Variants in FYN observed in about 807,000 individuals in gnomAD.
FYN encodes tyrosine-protein kinase Fyn.
A neutral mutation model predicts 70.2 loss-of-function variants in FYN; 10 were observed. The observed-to-expected ratio is 0.14, with a 90% confidence interval of 0.09 to 0.24. The LOEUF (loss-of-function observed/expected upper bound fraction) is 0.24, where lower values mean the gene tolerates loss of function less well. FYN is among the 10% of genes least tolerant of loss of function. FYN has a pLI of 1.00. For missense variants in FYN, 319 were observed against 673.1 expected, an observed-to-expected ratio of 0.47 and a Z score of 5.82; for synonymous variants, 236 against 248.6, an observed-to-expected ratio of 0.95 and a Z score of 0.48.
intron 2 of FYN, among the ~76,000 whole-genome samples, chr6:111,789,519 T>C (rs1206621921): frequency 2.6e-5 from 4 of 152,132 alleles, no homozygotes; most frequent in Admixed American, 2.0e-4. Flanking sequence ...ATTTGGGGAA[T>C]AAATAAAAGA....
intron 1 of FYN, among the ~76,000 whole-genome samples, chr6:111,851,916 T>C (rs1292979392): frequency 6.6e-6 from 1 of 151,468 alleles, no homozygotes; most frequent in East Asian, 1.9e-4. Flanking sequence ...CAAGAGAAGC[T>C]GGAAATCTCA....
At chr6:111,689,785 G>C (rs1253030149) in intron 12 of FYN, among the ~76,000 whole-genome samples, 1 of 152,160 alleles carries the variant, frequency 6.6e-6, no homozygotes, top group African/African-American at 2.4e-5. Flanking sequence ...TACTGACTGG[G>C]AGTGGGAATA....
intron 2 of FYN, among the ~76,000 whole-genome samples, chr6:111,835,293 T>C (rs550707384): frequency 2.0e-5 from 3 of 152,214 alleles, no homozygotes; most frequent in Non-Finnish European, 4.4e-5. Flanking sequence ...ACCATCTGCA[T>C]TGTAACATGA....
At chr6:111,829,956 T>C (rs1460975172) in intron 2 of FYN, among the ~76,000 whole-genome samples, 1 of 152,228 alleles carries the variant, frequency 6.6e-6, no homozygotes, top group African/African-American at 2.4e-5. Flanking sequence ...AAGATGAGGC[T>C]GCTCACATGG....
intron 3 of FYN, among the ~76,000 whole-genome samples, chr6:111,751,761 C>T (rs1167165469): frequency 6.6e-6 from 1 of 152,084 alleles, no homozygotes; most frequent in Non-Finnish European, 1.5e-5. Context: ...CCTGGGACTA[C>T]AGTTGTGCAC....
intron 12 of FYN, among the ~76,000 whole-genome samples, chr6:111,692,101 T>TTCCC (rs796908031): frequency 7.3e-6 from 1 of 136,920 alleles, no homozygotes; most frequent in Non-Finnish European, 1.6e-5. Context: ...AAGCTTCATT[T>TTCCC]CCCCCCCCCC....
At chr6:111,701,890 G>C (rs1799856613) in intron 8 of FYN, among the ~76,000 whole-genome samples, 1 of 152,148 alleles carries the variant, frequency 6.6e-6, no homozygotes, top group African/African-American at 2.4e-5. Flanking sequence ...TTGTTCATTA[G>C]TGCAAGGGAT....
chr6:111,697,055 CA>C lies in FYN; in HGVS notation c.863-600del, dbSNP rs753745449. Among the ~76,000 whole-genome samples, 13 of 152,300 alleles carry C rather than the reference CA, an allele frequency of 8.5e-5. No individual in the cohort carries two copies. In the East Asian group the frequency reaches 2.5e-3, roughly 29 times the overall value. On this transcript the variant is annotated intron_variant, in intron 9 of 13. Coordinates refer to ENST00000354650, the MANE Select transcript of FYN (RefSeq NM_002037.5). ...TTGCCAATACTTCAACAAGGTAAGG[CA>C]AATTTCCTCAGCTTTACTGATGGCT...
chr6:111,840,859 C>A (rs1264779930), intron 2 of FYN, among the ~76,000 whole-genome samples: 2 of 152,190 alleles, frequency 1.3e-5, no homozygotes, highest in South Asian at 4.1e-4. Flanking sequence ...GCAAGGCAGA[C>A]AACCAAATGA....
intron 1 of FYN, chr6:111,858,454 G>C (rs1773880044): frequency 6.6e-6 from 1 of 152,150 alleles, no homozygotes; most frequent in Non-Finnish European, 1.5e-5. Context: ...TAACGGAAGT[G>C]ATCCTGTAGC....
chr6:111,688,974 G>A (rs1021654075), intron 12 of FYN, among the ~76,000 whole-genome samples: 3 of 152,048 alleles, frequency 2.0e-5, no homozygotes, highest in African/African-American at 7.2e-5. Flanking sequence ...TTGAAAGATT[G>A]ATTTTTTCCC....
chr6:111,714,472 GATT>G, intron 4 of FYN, 29 bp from the exon 5 acceptor site: 1 of 1,454,518 alleles, frequency 6.9e-7, no homozygotes, highest in East Asian at 2.3e-5. Flanking sequence ...CAAGAAGGGA[GATT>G]ATTACACAAG....
At chr6:111,687,627 T>TCA (rs1259674350) in intron 12 of FYN, among the ~76,000 whole-genome samples, 7 of 149,356 alleles carry the variant, frequency 4.7e-5, no homozygotes, top group Non-Finnish European at 7.4e-5. Context: ...TGTGTGTGTG[T>TCA]GTGTATGTGT....
chr6:111,774,823 A>G (rs554977601), intron 3 of FYN, among the ~76,000 whole-genome samples: 35 of 150,880 alleles, frequency 2.3e-4, no homozygotes, highest in Admixed American at 2.1e-3. Context: ...GGTTCAAGTG[A>G]CTCTCCTGCC....
chr6:111,699,978 T>C (rs901339828), intron 9 of FYN, 126 bp downstream of exon 9: 1 of 651,206 alleles, frequency 1.5e-6, no homozygotes, highest in African/African-American at 1.8e-5. Flanking sequence ...GAAATTATTA[T>C]TCCCCACTAT....
At chr6:111,802,796 T>C (rs904434790) in intron 2 of FYN, among the ~76,000 whole-genome samples, 2 of 151,682 alleles carry the variant, frequency 1.3e-5, no homozygotes, top group Non-Finnish European at 2.9e-5. Flanking sequence ...AAAAAATTCA[T>C]TGGATTTACA....
chr6:111,665,262 A>T (rs550960880), intron 13 of FYN, among the ~76,000 whole-genome samples: 1 of 152,286 alleles, frequency 6.6e-6, no homozygotes, highest in African/African-American at 2.4e-5. Flanking sequence ...TTTGAATTTC[A>T]TATTTTTGGA....
chr6:111,717,523 G>A (rs1027810458), intron 4 of FYN, among the ~76,000 whole-genome samples: 6 of 151,646 alleles, frequency 4.0e-5, no homozygotes, highest in Non-Finnish European at 7.4e-5. Flanking sequence ...GTGCAATGGC[G>A]TGATCTCGGC....
intron 4 of FYN, among the ~76,000 whole-genome samples, chr6:111,716,965 T>G (rs992938154): frequency 6.6e-6 from 1 of 152,044 alleles, no homozygotes; most frequent in African/African-American, 2.4e-5. Flanking sequence ...TTTGTATTTT[T>G]AGTAGAGACG....
Sources: allele counts gnomAD v4.1 joint callset (sites outside exome capture counted in the v4.1 genomes callset), GRCh38; gene constraint gnomAD v4.1.1; transcripts MANE v1.5; gene names NCBI Gene and HGNC (gene_info 2026-07-23, HGNC 2026-07-21).